Variants in RABGAP1L observed in about 807,000 individuals in gnomAD.
RABGAP1L encodes RAB GTPase activating protein 1 like.
A neutral mutation model predicts 137.7 loss-of-function variants in RABGAP1L; 63 were observed. That is an observed-to-expected ratio of 0.46 (90% CI 0.37 to 0.56). The LOEUF (loss-of-function observed/expected upper bound fraction) is 0.56, where lower values mean the gene tolerates loss of function less well. RABGAP1L is among the 20% of genes least tolerant of loss of function. RABGAP1L has a pLI of 0.00. For synonymous variants in RABGAP1L, 431 were observed against 433.7 expected (o/e 0.99, Z 0.08); for missense variants, 1,095 against 1,244.0 (o/e 0.88, Z 1.80).
chr1:174,836,560 C>A (rs1692775647), intron 19 of RABGAP1L, among the ~76,000 whole-genome samples: 1 of 152,212 alleles, frequency 6.6e-6, no homozygotes, highest in African/African-American at 2.4e-5. Context: ...CTTTGTACAT[C>A]TGATAGTAGA....
chr1:174,516,076 C>T (rs1662804849), intron 13 of RABGAP1L, among the ~76,000 whole-genome samples: 1 of 145,890 alleles, frequency 6.9e-6, no homozygotes, highest in South Asian at 2.2e-4. Context: ...CTTTTATTAA[C>T]AATATAGATT....
At chr1:174,531,590 A>C (rs1378078701) in intron 13 of RABGAP1L, among the ~76,000 whole-genome samples, 1 of 152,138 alleles carries the variant, frequency 6.6e-6, no homozygotes, top group Admixed American at 6.5e-5. Flanking sequence ...GACACCAGCC[A>C]GGGGCAGCTG....
chr1:174,948,160 G>A (rs999311026), intron 19 of RABGAP1L, among the ~76,000 whole-genome samples: 4 of 152,220 alleles, frequency 2.6e-5, no homozygotes, highest in African/African-American at 7.2e-5. Flanking sequence ...GTAAGACCTC[G>A]TGTATGATAG....
At chr1:174,958,727 TG>T (rs1256549349) in intron 20 of RABGAP1L, among the ~76,000 whole-genome samples, 3 of 152,226 alleles carry the variant, frequency 2.0e-5, no homozygotes, top group African/African-American at 7.2e-5. Flanking sequence ...ATGTAGGTTT[TG>T]TAGTCAGACA....
At chr1:174,931,624 T>G (rs4651231) in intron 19 of RABGAP1L, among the ~76,000 whole-genome samples, 56,352 of 151,998 alleles carry the variant, frequency 0.37, 13,753 homozygotes, top group African/African-American at 0.7. Flanking sequence ...AAAATTTTAA[T>G]TAATTTGTAA....
chr1:174,620,458 C>T (rs2148265970), intron 13 of RABGAP1L, among the ~76,000 whole-genome samples: 1 of 152,262 alleles, frequency 6.6e-6, no homozygotes, highest in African/African-American at 2.4e-5. Flanking sequence ...TGCAATCAAA[C>T]TAGAACTCAG....
rs59406597 is a variant in RABGAP1L, at chr1:174,952,339, C to CAAAA, written c.2341-5096_2341-5093dup. ...CAACATAGTGAGACCCTGGCTCTACCAAAAAAAAAAAAAAAAAAAAAAAAA... is the reference window on the plus strand; with the variant it reads ...CAACATAGTGAGACCCTGGCTCTACCAAAAAAAAAAAAAAAAAAAAAAAAAAAAA... On this transcript the variant is annotated intron_variant, in intron 19 of 25. Transcript: ENST00000681986. Among the ~76,000 whole-genome samples the CAAAA allele has an allele frequency of 1.2e-3, 37 of 31,696 alleles. 1 individual carries two copies. The highest frequency in any genetic ancestry group is 4.3e-3 in the African/African-American group (28 of 6,530). The allele number at this position is 31,696 out of a possible 152,430, so 20.8% of individuals were successfully genotyped here.
intron 15 of RABGAP1L, among the ~76,000 whole-genome samples, chr1:174,699,074 A>G (rs951207096): frequency 1.3e-5 from 2 of 151,472 alleles, no homozygotes; most frequent in East Asian, 1.9e-4. Flanking sequence ...GCTCACTGCA[A>G]CCTCCACCTC....
At chr1:174,619,101 AAAG>A (rs1672193607) in intron 13 of RABGAP1L, among the ~76,000 whole-genome samples, 1 of 152,204 alleles carries the variant, frequency 6.6e-6, no homozygotes, top group Admixed American at 6.5e-5. Context: ...AAAAGAATAA[AAAG>A]AAATGAACAA....
At chr1:174,429,043 T>C (rs1652289225) in intron 13 of RABGAP1L, among the ~76,000 whole-genome samples, 2 of 152,216 alleles carry the variant, frequency 1.3e-5, no homozygotes, top group Non-Finnish European at 2.9e-5. Context: ...TAGGTTCTTT[T>C]TCTGGTGCTT....
intron 13 of RABGAP1L, among the ~76,000 whole-genome samples, chr1:174,632,650 C>T (rs1673518870): frequency 6.7e-6 from 1 of 150,176 alleles, no homozygotes; most frequent in South Asian, 2.1e-4. Context: ...ATTTCATCTT[C>T]CATCACTGAT....
chr1:174,839,333 A>T (rs1693136897), intron 19 of RABGAP1L, among the ~76,000 whole-genome samples: 1 of 152,118 alleles, frequency 6.6e-6, no homozygotes, highest in Non-Finnish European at 1.5e-5. Flanking sequence ...TACCCCTCTC[A>T]CATGCACATC....
intron 8 of RABGAP1L, among the ~76,000 whole-genome samples, chr1:174,273,478 G>A (rs1674722147): frequency 6.6e-6 from 1 of 151,860 alleles, no homozygotes; most frequent in Non-Finnish European, 1.5e-5. Context: ...GCCTGAATAG[G>A]TCAGGTAAGG....
intron 13 of RABGAP1L, among the ~76,000 whole-genome samples, chr1:174,517,339 A>T (rs1662958587): frequency 6.6e-6 from 1 of 152,216 alleles, no homozygotes; most frequent in Admixed American, 6.5e-5. Context: ...TGAGAGAAAC[A>T]TACCTTTTGC....
At chr1:174,682,337 C>T (rs1022408511) in intron 14 of RABGAP1L, among the ~76,000 whole-genome samples, 1 of 151,542 alleles carries the variant, frequency 6.6e-6, no homozygotes, top group Non-Finnish European at 1.5e-5. Flanking sequence ...CACACACACA[C>T]ACATACATCA....
intron 11 of RABGAP1L, among the ~76,000 whole-genome samples, chr1:174,337,053 T>A (rs1228774669): frequency 6.6e-6 from 1 of 152,154 alleles, no homozygotes; most frequent in African/African-American, 2.4e-5. Context: ...TATTTGTATT[T>A]GTTTTCTATT....
chr1:174,205,744 A>G (rs1668464544), intron 1 of RABGAP1L, among the ~76,000 whole-genome samples: 1 of 151,764 alleles, frequency 6.6e-6, no homozygotes, highest in Non-Finnish European at 1.5e-5. Context: ...TTCATCTTTT[A>G]ATTGTTTTTT....
intron 19 of RABGAP1L, among the ~76,000 whole-genome samples, chr1:174,818,120 C>T (rs72717622): frequency 0.032 from 4,859 of 152,232 alleles, 109 homozygotes; most frequent in Non-Finnish European, 0.044. Flanking sequence ...TAAAAGTAGA[C>T]ATTTGGGAGT....
At chr1:174,441,493 G>T (rs1654141003) in intron 13 of RABGAP1L, among the ~76,000 whole-genome samples, 1 of 152,142 alleles carries the variant, frequency 6.6e-6, no homozygotes. Context: ...CCAGCACTTT[G>T]GGAGGCTGAG....
Sources: gnomAD v4.1 joint callset for allele counts (sites outside exome capture counted in the v4.1 genomes callset) on GRCh38, gnomAD v4.1.1 for gene constraint, MANE v1.5 for transcripts, NCBI Gene and HGNC (gene_info 2026-07-23, HGNC 2026-07-21) for gene names.